Variants in NGF observed in about 807,000 individuals in gnomAD.
NGF encodes the protein beta-nerve growth factor.
Under a neutral mutation model 12.8 loss-of-function variants are expected in NGF, and 4 were observed. That is an observed-to-expected ratio of 0.31 (90% confidence interval 0.15 to 0.72). The LOEUF is 0.72. NGF is among the 30% of genes least tolerant of loss of function. The pLI, the probability that NGF is intolerant of heterozygous loss-of-function variation, is 0.69. For synonymous variants in NGF, 140 were observed against 130.0 expected, an observed-to-expected ratio of 1.08 and a Z score of -0.52; for missense variants, 283 against 330.8, an observed-to-expected ratio of 0.86 and a Z score of 1.12.
chr1:115,299,671 G>A (rs1421843610), intron 1 of NGF, among the ~76,000 whole-genome samples: 1 of 152,180 alleles, frequency 6.6e-6, no homozygotes, highest in Non-Finnish European at 1.5e-5. Context: ...TAGCCCCTCA[G>A]CTTAGTAATA....
chr1:115,287,917 G>A (rs963367566), intron 2 of NGF, among the ~76,000 whole-genome samples: 1 of 152,182 alleles, frequency 6.6e-6, no homozygotes, highest in African/African-American at 2.4e-5. Context: ...ACTGGCCTCC[G>A]CGGAGCTCCT....
At chr1:115,319,229 A>G (rs1370605285) in intron 1 of NGF, among the ~76,000 whole-genome samples, 1 of 152,186 alleles carries the variant, frequency 6.6e-6, no homozygotes, top group African/African-American at 2.4e-5. Context: ...TTTCTTAACC[A>G]GACCCGGTGA....
chr1:115,290,252 C>G (rs1653644238), intron 2 of NGF, among the ~76,000 whole-genome samples: 1 of 152,124 alleles, frequency 6.6e-6, no homozygotes, highest in African/African-American at 2.4e-5. Context: ...TCCAGGTATG[C>G]TCCCCTACCC....
chr1:115,324,151 A>C (rs1305772861), intron 1 of NGF, among the ~76,000 whole-genome samples: 1 of 152,156 alleles, frequency 6.6e-6, no homozygotes, highest in Non-Finnish European at 1.5e-5. Context: ...GCACTGTTAC[A>C]TGTGGTGTTA....
In NGF at chr1:115,286,090, TC is replaced by T; in HGVS notation, c.705del (p.Lys236ArgfsTer3). The T allele has an allele frequency of 6.2e-7, 1 of 1,613,420 alleles. No individual in the cohort carries two copies. The highest frequency in any genetic ancestry group is 8.5e-7 in the Non-Finnish European group (1 of 1,179,720). ...GCAGGTCAGGCTCTTCTCACAGCCTTCCTGCTGAGCACACACACACAGGCCG... is the reference window on the plus strand; with the variant it reads ...GCAGGTCAGGCTCTTCTCACAGCCTTCTGCTGAGCACACACACACAGGCCG... Reference protein sequence around the residue: ...IDTACVCVLSRKAVRRA With the variant: ...IDTACVCVLSXKAVRRA On this transcript the variant is annotated frameshift_variant, in exon 3 of 3. Transcript: ENST00000369512. LOFTEE classifies it high-confidence loss of function.
At chr1:115,323,893 A>C (rs993784885) in intron 1 of NGF, among the ~76,000 whole-genome samples, 1 of 152,154 alleles carries the variant, frequency 6.6e-6, no homozygotes, top group Non-Finnish European at 1.5e-5. Flanking sequence ...TTTCTCTTGG[A>C]AACAGTGACA....
intron 1 of NGF, among the ~76,000 whole-genome samples, chr1:115,305,811 A>G (rs1654186161): frequency 6.6e-6 from 1 of 152,176 alleles, no homozygotes; most frequent in African/African-American, 2.4e-5. Context: ...ATTCTATTTA[A>G]TTTTATGCAT....
In NGF at chr1:115,294,732, A is replaced by G. The variant is rs546441769; in HGVS notation, c.-136-982T>C. 3.9e-5 allele frequency among the ~76,000 whole-genome samples: 6 copies of G among 152,350 alleles called. No homozygotes were observed. In the South Asian group the frequency reaches 6.2e-4, roughly 16 times the overall value. On this transcript the variant is annotated intron_variant, in intron 1 of 2. Coordinates refer to ENST00000369512, the MANE Select transcript of NGF (RefSeq NM_002506.3). ...GAGGATGAGAAGGAATGAGGGAGAG[A>G]ACATTCTAGGCAGCAAGAACAAGTG...
At chr1:115,337,135 A>G (rs937992914) in intron 1 of NGF, among the ~76,000 whole-genome samples, 3 of 152,140 alleles carry the variant, frequency 2.0e-5, no homozygotes, top group South Asian at 4.1e-4. Flanking sequence ...TACAACTTCC[A>G]ACCTGGAACA....
At chr1:115,335,775 T>C (rs1655094375) in intron 1 of NGF, among the ~76,000 whole-genome samples, 2 of 152,226 alleles carry the variant, frequency 1.3e-5, no homozygotes, top group Non-Finnish European at 2.9e-5. Flanking sequence ...CCCTACTCCA[T>C]GCCCAGTAGA....
intron 1 of NGF, among the ~76,000 whole-genome samples, chr1:115,301,279 C>T (rs1015634522): frequency 6.6e-6 from 1 of 152,132 alleles, no homozygotes; most frequent in Non-Finnish European, 1.5e-5. Flanking sequence ...CCTTCTCAAT[C>T]ACCACACAAT....
At chr1:115,320,404 A>G (rs543125900) in intron 1 of NGF, among the ~76,000 whole-genome samples, 2 of 152,342 alleles carry the variant, frequency 1.3e-5, no homozygotes, top group Non-Finnish European at 2.9e-5. Context: ...CTTTGGGGCC[A>G]TTATCAAGTA....
intron 1 of NGF, among the ~76,000 whole-genome samples, chr1:115,323,821 G>A (rs550719286): frequency 6.6e-6 from 1 of 152,290 alleles, no homozygotes; most frequent in East Asian, 1.9e-4. Context: ...GCAGCAAAAC[G>A]AACCAGAGTT....
intron 1 of NGF, among the ~76,000 whole-genome samples, chr1:115,325,283 GC>G (rs1339148644): frequency 6.6e-6 from 1 of 152,168 alleles, no homozygotes; most frequent in African/African-American, 2.4e-5. Flanking sequence ...CGATTAAGAT[GC>G]TGGAGACAGT....
intron 1 of NGF, among the ~76,000 whole-genome samples, chr1:115,308,227 C>T (rs1295153531): frequency 6.6e-6 from 1 of 152,194 alleles, no homozygotes; most frequent in African/African-American, 2.4e-5. Flanking sequence ...GATGTGCTTC[C>T]ACTATTCCTC....
chr1:115,296,874 C>A (rs893250711), intron 1 of NGF, among the ~76,000 whole-genome samples: 1 of 152,214 alleles, frequency 6.6e-6, no homozygotes, highest in African/African-American at 2.4e-5. Context: ...AAATGCATAT[C>A]TATTTTTAAA....
chr1:115,300,267 T>C (rs1653996592), intron 1 of NGF, among the ~76,000 whole-genome samples: 1 of 152,146 alleles, frequency 6.6e-6, no homozygotes, highest in Admixed American at 6.5e-5. Context: ...CCAGGAAATA[T>C]ACTGGCTTAA....
chr1:115,331,928 C>G (rs1484199175), intron 1 of NGF, among the ~76,000 whole-genome samples: 2 of 152,198 alleles, frequency 1.3e-5, no homozygotes, highest in African/African-American at 4.8e-5. Flanking sequence ...ACATGGTGGG[C>G]CCCCTCCCCT....
At chr1:115,306,917 G>C (rs753368661) in intron 1 of NGF, among the ~76,000 whole-genome samples, 29 of 152,200 alleles carry the variant, frequency 1.9e-4, no homozygotes, top group Admixed American at 7.2e-4. Flanking sequence ...TCACCACTGG[G>C]CACTATGGGG....
Sources: gnomAD v4.1 joint callset for allele counts (sites outside exome capture counted in the v4.1 genomes callset) on GRCh38, gnomAD v4.1.1 for gene constraint, MANE v1.5 for transcripts, NCBI Gene and HGNC (gene_info 2026-07-23, HGNC 2026-07-21) for gene names.